TDRD12: variants seen among roughly 807,000 people sequenced by gnomAD.
The protein encoded by TDRD12 is putative ATP-dependent RNA helicase TDRD12.
Under a neutral mutation model 133.5 loss-of-function variants are expected in TDRD12, and 158 were observed. The ratio of observed to expected loss-of-function variants is 1.18; its 90% CI spans 1.04 to 1.35. The LOEUF (loss-of-function observed/expected upper bound fraction) is 1.35. Among genes scored for constraint, TDRD12 ranks in the 40% most tolerant of loss-of-function variants. The pLI is 0.00. For missense variants in TDRD12, 1,443 were observed against 1,321.3 expected, an observed-to-expected ratio of 1.09 and a Z score of -1.43; for synonymous variants, 460 against 477.9, an observed-to-expected ratio of 0.96 and a Z score of 0.49.
chr19:32,821,087 G>A (rs969725308), exon 28 of TDRD12: 19 of 1,535,808 alleles, frequency 1.2e-5, no homozygotes, highest in Admixed American at 2.0e-5. Context: ...CTGAGGACAC[G>A]GGTGCAGAAG....
Position 32,826,857 on chromosome 19 carries a change from T to C in TDRD12, c.1049+259T>C, listed in dbSNP as rs1477981707. Reference sequence around the variant, plus strand: ...CCTTGGTGGAAGTGGACCGTTCATGTCAAGCCCTGAGAAATCAGTTTTCTC... The same window carrying C: ...CCTTGGTGGAAGTGGACCGTTCATGCCAAGCCCTGAGAAATCAGTTTTCTC... On this transcript the variant is annotated intron_variant, in intron 9 of 9. Transcript: ENST00000637289. The C allele has an allele frequency of 1.2e-5, 8 of 676,500 alleles. No individual in the cohort carries two copies. In the East Asian group the frequency reaches 2.7e-4, roughly 23 times the overall value. The allele number at this position is 676,500 out of a possible 1,614,324, so 41.9% of individuals were successfully genotyped here. A position where few individuals can be genotyped will look rare whatever the true frequency, so the allele number is the denominator to read the frequency against.
chr19:32,741,038 G>C (rs1969409360), intron 3 of TDRD12, among the ~76,000 whole-genome samples: 1 of 152,204 alleles, frequency 6.6e-6, no homozygotes, highest in Non-Finnish European at 1.5e-5. Context: ...ACTGAAGAAA[G>C]AGCAATACCA....
intron 1 of TDRD12, 144 bp from the exon 2 acceptor site, chr19:32,731,581 C>T (rs531042062): frequency 3.1e-5 from 21 of 685,936 alleles, no homozygotes; most frequent in African/African-American, 1.5e-4. Flanking sequence ...ATTTTATCTT[C>T]GGTCTAACCA....
At chr19:32,723,776 C>T (rs1968769109) in intron 1 of TDRD12, among the ~76,000 whole-genome samples, 2 of 151,316 alleles carry the variant, frequency 1.3e-5, no homozygotes, top group Admixed American at 6.6e-5. Context: ...TCATTTCTTT[C>T]CGTCAGTGTT....
At chr19:32,802,151 A>C (rs1474654187) in intron 19 of TDRD12, among the ~76,000 whole-genome samples, 1 of 137,592 alleles carries the variant, frequency 7.3e-6, no homozygotes, top group Non-Finnish European at 1.5e-5. Flanking sequence ...ATATATTATC[A>C]TATATATATA....
intron 18 of TDRD12, 130 bp downstream of exon 18, chr19:32,800,902 A>G: frequency 3.1e-6 from 3 of 966,378 alleles, no homozygotes; most frequent in Non-Finnish European, 4.3e-6. Flanking sequence ...CATCAATCAG[A>G]AGAGGAGGTG....
At chr19:32,807,641 A>G (rs998388982) in exon 22 of TDRD12, 22 of 1,527,298 alleles carry the variant, frequency 1.4e-5, no homozygotes, top group Non-Finnish European at 1.9e-5. Context: ...TCATTTGGAT[A>G]CATTAAAGTA....
chr19:32,805,843 T>C (rs1213303219), intron 21 of TDRD12, among the ~76,000 whole-genome samples: 1 of 150,584 alleles, frequency 6.6e-6, no homozygotes, highest in African/African-American at 2.4e-5. Flanking sequence ...ACAATTCTCC[T>C]GCCTCAGCTT....
At chr19:32,769,312 T>A (rs1970380218) in intron 8 of TDRD12, among the ~76,000 whole-genome samples, 1 of 152,204 alleles carries the variant, frequency 6.6e-6, no homozygotes, top group Admixed American at 6.5e-5. Flanking sequence ...TGGTTTTGTT[T>A]TTTCCATGTG....
intron 13 of TDRD12, 74 bp downstream of exon 13, chr19:32,791,142 G>A (rs997347000): frequency 1.4e-6 from 2 of 1,441,384 alleles, no homozygotes; most frequent in African/African-American, 2.9e-5. Context: ...TGAAATAAAT[G>A]GCTCTAAGGT....
Position 32,777,144 on chromosome 19 carries a change from T to C in TDRD12, c.1041-5T>C. 1.3e-6 allele frequency: 2 copies of C among 1,529,570 alleles called. No homozygotes were observed. The highest frequency in any genetic ancestry group is 1.8e-6 in the Non-Finnish European group (2 of 1,138,460). The allele number at this position is 1,529,570 out of a possible 1,614,324, so 94.7% of individuals were successfully genotyped here. ...TTTTAATGAATTTTTTTTTTTCATT[T>C]CTAGTGCTTTAAGTCAGAAGTCAAA... On this transcript the variant is annotated splice_region_variant and splice_polypyrimidine_tract_variant and intron_variant, in intron 10 of 27. Coordinates refer to ENST00000444215, the Ensembl canonical transcript of TDRD12.
exon 21 of TDRD12, chr19:32,802,973 A>C: frequency 6.5e-7 from 1 of 1,536,090 alleles, no homozygotes. Flanking sequence ...CTTGCTGCTG[A>C]CGGAGAAAGA....
intron 8 of TDRD12, among the ~76,000 whole-genome samples, chr19:32,764,829 CA>C (rs1197258172): frequency 1.3e-5 from 2 of 152,128 alleles, no homozygotes; most frequent in African/African-American, 4.8e-5. Context: ...TAGGCATGGG[CA>C]AGGACTTCAT....
chr19:32,780,862 A>G (rs1488235080), intron 11 of TDRD12, among the ~76,000 whole-genome samples: 2 of 149,792 alleles, frequency 1.3e-5, no homozygotes, highest in East Asian at 2.0e-4. Flanking sequence ...GCCTCAAGCA[A>G]TCCTCCTGCC....
intron 26 of TDRD12, 149 bp from the exon 27 acceptor site, chr19:32,817,940 C>A: frequency 1.5e-6 from 1 of 655,166 alleles, no homozygotes; most frequent in Middle Eastern, 2.4e-4. Context: ...TCTGTAGGGC[C>A]TGGTAGCTTT....
At chr19:32,826,121 G>A, downstream of TDRD12, 2 of 1,535,808 alleles carry the variant, frequency 1.3e-6, no homozygotes, top group Non-Finnish European at 1.7e-6. Flanking sequence ...AAACACTGAA[G>A]GTGCCTTCAT....
chr19:32,800,030 G>C, intron 16 of TDRD12, 137 bp from the exon 17 acceptor site: 2 of 616,602 alleles, frequency 3.2e-6, no homozygotes, highest in Non-Finnish European at 2.7e-6. Context: ...CACCACACCT[G>C]GCCTTTTCCT....
At chr19:32,806,850 C>CG (rs1321814737) in intron 21 of TDRD12, among the ~76,000 whole-genome samples, 1 of 150,738 alleles carries the variant, frequency 6.6e-6, no homozygotes, top group African/African-American at 2.4e-5. Flanking sequence ...TTAGTAGAGA[C>CG]GGGGTTTCAC....
At chr19:32,782,110 C>T (rs933692715) in intron 11 of TDRD12, among the ~76,000 whole-genome samples, 2 of 151,676 alleles carry the variant, frequency 1.3e-5, no homozygotes, top group African/African-American at 4.9e-5. Flanking sequence ...ATTGTTATCC[C>T]TCCCCTAGCC....
Sources: allele counts gnomAD v4.1 joint callset (sites outside exome capture counted in the v4.1 genomes callset), GRCh38; gene constraint gnomAD v4.1.1; transcripts MANE v1.5; gene names NCBI Gene and HGNC (gene_info 2026-07-23, HGNC 2026-07-21).